NAV2: variants seen among roughly 807,000 people sequenced by gnomAD.
The protein encoded by NAV2 is helicase, APC down-regulated 1.
NAV2 carries 54 observed loss-of-function variants against 223.2 expected under a neutral mutation model. The observed-to-expected ratio is 0.24, with a 90% CI of 0.19 to 0.30. The LOEUF is 0.30. NAV2 is among the 10% of genes least tolerant of loss of function. The pLI, the probability that NAV2 is intolerant of heterozygous loss-of-function variation, is 1.00. For missense variants in NAV2, 2,806 were observed against 3,147.5 expected, an observed-to-expected ratio of 0.89 and a Z score of 2.60; for synonymous variants, 1,279 against 1,239.3, an observed-to-expected ratio of 1.03 and a Z score of -0.67.
chr11:19,648,607 G>A (rs960266871), intron 1 of NAV2, among the ~76,000 whole-genome samples: 5 of 152,148 alleles, frequency 3.3e-5, no homozygotes, highest in African/African-American at 9.7e-5. Context: ...TGGTTCCACC[G>A]TTGCTGCTGA....
intron 1 of NAV2, among the ~76,000 whole-genome samples, chr11:19,465,726 G>T (rs1852326788): frequency 6.6e-6 from 1 of 152,204 alleles, no homozygotes; most frequent in South Asian, 2.1e-4. Flanking sequence ...TATCCCACTT[G>T]ATCCTCAAAA....
At chr11:19,594,187 G>A (rs953818451) in intron 1 of NAV2, among the ~76,000 whole-genome samples, 30 of 152,200 alleles carry the variant, frequency 2.0e-4, no homozygotes, top group African/African-American at 6.7e-4. Flanking sequence ...TTGGAGATAA[G>A]GAAGAGGAGC....
upstream of NAV2, among the ~76,000 whole-genome samples, chr11:19,708,090 T>C (rs142121351): frequency 2.5e-3 from 379 of 152,332 alleles, 1 homozygote; most frequent in African/African-American, 8.7e-3. Flanking sequence ...GAGGTTACCA[T>C]TGGGCATACT....
At chr11:19,771,624 G>C (rs971799359) in intron 1 of NAV2, among the ~76,000 whole-genome samples, 1 of 152,064 alleles carries the variant, frequency 6.6e-6, no homozygotes, top group Non-Finnish European at 1.5e-5. Context: ...TATCTGAGTT[G>C]TCGGGGGAGC....
At chr11:19,919,685 T>G (rs2044110144) in intron 6 of NAV2, among the ~76,000 whole-genome samples, 1 of 152,256 alleles carries the variant, frequency 6.6e-6, no homozygotes, top group African/African-American at 2.4e-5. Context: ...AGCTACACCT[T>G]GCTTTAAGAA....
intron 9 of NAV2, 90 bp from the exon 10 acceptor site, chr11:19,948,601 T>G (rs1444801331): frequency 3.7e-6 from 5 of 1,354,698 alleles, no homozygotes; most frequent in Non-Finnish European, 4.9e-6. Context: ...TATATGAGGA[T>G]TATTTCATAA....
At chr11:20,020,546 A>G (rs557589067) in intron 11 of NAV2, among the ~76,000 whole-genome samples, 21 of 152,360 alleles carry the variant, frequency 1.4e-4, no homozygotes, top group African/African-American at 5.0e-4. Flanking sequence ...TGACTCAATT[A>G]GAACCTGTAG....
chr11:19,348,649 G>A (rs1248968459), upstream of NAV2, among the ~76,000 whole-genome samples: 1 of 152,246 alleles, frequency 6.6e-6, no homozygotes, highest in East Asian at 1.9e-4. Flanking sequence ...ATATGAAGCA[G>A]TAGCTAGCAC....
intron 10 of NAV2, among the ~76,000 whole-genome samples, chr11:19,960,945 T>C (rs987127711): frequency 1.3e-5 from 2 of 151,972 alleles, no homozygotes; most frequent in African/African-American, 4.8e-5. Flanking sequence ...AGAGTAGTGG[T>C]CTGCAGGCAT....
chr11:19,773,579 G>A (rs80047601), intron 1 of NAV2, among the ~76,000 whole-genome samples: 24 of 152,224 alleles, frequency 1.6e-4, no homozygotes, highest in East Asian at 9.7e-4. Flanking sequence ...ATCTCTTTCC[G>A]CTACTTCACA....
Position 19,713,838 on chromosome 11 carries a change from G to A in NAV2, c.143G>A (p.Ser48Asn). The A allele has an allele frequency of 6.2e-7, 1 of 1,613,442 alleles. No individual in the cohort carries two copies. The highest frequency in any genetic ancestry group is 8.5e-7 in the Non-Finnish European group (1 of 1,179,866). Residue 48 changes from serine (S) to asparagine (N), a missense_variant, in exon 1 of 38, where the codon AGC (serine) becomes AAC (asparagine). By Grantham distance (46) the Ser-to-Asn change is conservative (BLOSUM62 1). This residue lies in a region of NAV2 where 1,167 missense variants were observed against 1,180.5 expected (regional missense o/e 0.99). Transcript: ENST00000349880. This position sits in a 1 kb window ranked among gnomAD's most constrained non-coding sequence, Gnocchi z 7.2. ...YLKLGSKVEVSKTTYPSQIPL... is the reference protein window; with the variant it reads ...YLKLGSKVEVNKTTYPSQIPL... ...AAGTTGGGAAGCAAGGTGGAGGTGA[G>A]CAAGACCACCTATCCTAGCCAGATC...
At chr11:20,098,481 G>A (rs192785932) in intron 31 of NAV2, among the ~76,000 whole-genome samples, 1 of 152,280 alleles carries the variant, frequency 6.6e-6, no homozygotes. Context: ...CTTGAATATA[G>A]ACTTTCATAA....
Position 19,801,641 on chromosome 11 carries a change from G to A in NAV2, c.268-30843G>A, listed in dbSNP as rs116193629. 3.8e-3 allele frequency among the ~76,000 whole-genome samples: 585 copies of A among 152,256 alleles called. 2 individuals are homozygous for A. The highest frequency in any genetic ancestry group is 0.013 in the African/African-American group (553 of 41,574). On this transcript the variant is annotated intron_variant, in intron 1 of 37. Transcript: ENST00000349880. ...GCTAACACCATTGGGGACTACTTTC[G>A]GAGGATGTGGCTGAGCTGGAATCTG... is the stretch of plus-strand genomic sequence containing the variant.
chr11:19,394,627 A>G (rs982992931), intron 1 of NAV2, among the ~76,000 whole-genome samples: 2 of 152,200 alleles, frequency 1.3e-5, no homozygotes, highest in Admixed American at 6.5e-5. Flanking sequence ...TGACATGTCT[A>G]GTGGGGAAGG....
chr11:19,471,767 G>C (rs2041972897), intron 1 of NAV2, among the ~76,000 whole-genome samples: 1 of 152,170 alleles, frequency 6.6e-6, no homozygotes, highest in African/African-American at 2.4e-5. Context: ...AGTAAATCTA[G>C]TGGAGCTGCG....
intron 11 of NAV2, among the ~76,000 whole-genome samples, chr11:19,988,849 T>A (rs759798007): frequency 6.6e-6 from 1 of 152,176 alleles, no homozygotes; most frequent in Non-Finnish European, 1.5e-5. Context: ...GGCTTTGTGA[T>A]TCATATGGAA....
chr11:19,466,984 T>TCTACACACACACACACAC (rs200910419), intron 1 of NAV2, among the ~76,000 whole-genome samples: 1 of 125,140 alleles, frequency 8.0e-6, no homozygotes, highest in African/African-American at 3.1e-5. Flanking sequence ...TCTCTCTCTC[T>TCTACACACACACACACAC]ACACACACAC....
chr11:20,019,777 C>T (rs1390514469), intron 11 of NAV2, among the ~76,000 whole-genome samples: 8 of 151,844 alleles, frequency 5.3e-5, no homozygotes, highest in Non-Finnish European at 7.4e-5. Context: ...GAGAATCTGT[C>T]GATGCTACCT....
At chr11:19,830,372 A>T (rs1295324114) in intron 1 of NAV2, among the ~76,000 whole-genome samples, 1 of 152,216 alleles carries the variant, frequency 6.6e-6, no homozygotes, top group African/African-American at 2.4e-5. Context: ...GCATTGCAGG[A>T]TGTCAAAGGG....
Sources: allele counts gnomAD v4.1 joint callset (sites outside exome capture counted in the v4.1 genomes callset), GRCh38; gene constraint gnomAD v4.1.1; regional missense constraint gnomAD v4.1.1; non-coding constraint Gnocchi (gnomAD v3.1); transcripts MANE v1.5; gene names NCBI Gene and HGNC (gene_info 2026-07-23, HGNC 2026-07-21).